Variants in FBXO25 observed in about 807,000 individuals in gnomAD.
FBXO25 encodes the protein F-box only protein 25.
FBXO25 carries 45 observed loss-of-function variants against 51.9 expected under a neutral mutation model. The observed-to-expected ratio is 0.87, with a 90% confidence interval of 0.68 to 1.11. The LOEUF is 1.11. FBXO25 is among the 50% of genes most tolerant of loss of function. The pLI is 0.00. For missense variants in FBXO25, 507 were observed against 428.5 expected, an observed-to-expected ratio of 1.18 and a Z score of -1.62; for synonymous variants, 199 against 151.0, an observed-to-expected ratio of 1.32 and a Z score of -2.33.
intron 8 of FBXO25, among the ~76,000 whole-genome samples, chr8:462,519 TTTGTCAC>T (rs1425605645): frequency 6.6e-6 from 1 of 152,244 alleles, no homozygotes; most frequent in Non-Finnish European, 1.5e-5. Flanking sequence ...ATTTATTTGA[TTTGTCAC>T]TTATTGATTT....
intron 9 of FBXO25, among the ~76,000 whole-genome samples, chr8:465,709 T>C (rs1800112410): frequency 6.6e-6 from 1 of 152,194 alleles, no homozygotes; most frequent in Non-Finnish European, 1.5e-5. Flanking sequence ...TAAAACAAAG[T>C]TTGTGTTACT....
rs1361660970 is a variant in FBXO25, at chr8:473,916, CATTTA to C, written c.*5114_*5118del. On this transcript the variant is annotated 3_prime_UTR_variant, in exon 10 of 10. Coordinates refer to ENST00000350302, the MANE Select transcript of FBXO25 (RefSeq NM_183420.2). ...TAACCTATGTAGTCAATTCTAATGT[CATTTA>C]AAAGAATTTGACATGTTAAAATACA... 19 of 152,284 alleles carry C rather than the reference CATTTA, an allele frequency of 1.2e-4. No individual in the cohort carries two copies. Among genetic ancestry groups the C allele is most frequent in the African/African-American group, 4.3e-4 (18 of 41,542 alleles). 9.4% of individuals were successfully genotyped at this position (152,284 alleles called of 1,614,324 possible).
chr8:446,001 C>T (rs73669382), intron 5 of FBXO25, among the ~76,000 whole-genome samples: 80 of 151,426 alleles, frequency 5.3e-4, no homozygotes, highest in African/African-American at 1.8e-3. Flanking sequence ...TGTAGCATGT[C>T]GGACTGTATG....
chr8:454,890 C>CAAAAA lies in FBXO25; in HGVS notation c.660+3440_660+3444dup, dbSNP rs376342237. On this transcript the variant is annotated intron_variant, in intron 7 of 9. Coordinates refer to ENST00000350302, the MANE Select transcript of FBXO25 (RefSeq NM_183420.2). ...TGGGTGACAGAGGGAGACTCCATCT[C>CAAAAA]AAAAAAAGAAAAAGAAAAAGAAAAC... 5.2e-4 allele frequency among the ~76,000 whole-genome samples: 57 copies of CAAAAA among 109,592 alleles called. 5 individuals carry two copies. Among genetic ancestry groups the CAAAAA allele is most frequent in the African/African-American group, 1.7e-3 (39 of 23,282 alleles). 71.9% of individuals were successfully genotyped at this position (109,592 alleles called of 152,430 possible).
intron 8 of FBXO25, among the ~76,000 whole-genome samples, chr8:459,260 A>T (rs1169183427): frequency 6.6e-6 from 1 of 152,118 alleles, no homozygotes; most frequent in African/African-American, 2.4e-5. Context: ...GTGTGATTTG[A>T]ACTGTGGTCA....
intron 7 of FBXO25, among the ~76,000 whole-genome samples, chr8:452,093 C>T (rs1365234905): frequency 2.0e-5 from 3 of 152,188 alleles, no homozygotes; most frequent in Non-Finnish European, 4.4e-5. Flanking sequence ...ATAAATGATT[C>T]TGCAGATTGC....
At position 470,937 on chromosome 8, in the gene FBXO25, A is replaced by G. The variant is rs1456390354; in HGVS notation, c.*2133A>G. The stretch of plus-strand genomic sequence containing the variant: ...CTTTTTTCATGTTAGTTTCTTCTTA[A>G]AAGGAAACTATCCTTTTGAAGTTGT... On this transcript the variant is annotated 3_prime_UTR_variant, in exon 10 of 10. Transcript: ENST00000350302. 6.6e-6 allele frequency: 1 copy of G among 152,086 alleles called. No homozygotes were observed. Among genetic ancestry groups the G allele is most frequent in the Non-Finnish European group, 1.5e-5 (1 of 68,026 alleles). 9.4% of individuals were successfully genotyped at this position (152,086 alleles called of 1,614,324 possible). A position where few individuals can be genotyped will look rare whatever the true frequency, so the allele number is the denominator to read the frequency against.
intron 9 of FBXO25, chr8:468,332 CAGG>C (rs1445005672): frequency 1.1e-6 from 1 of 914,176 alleles, no homozygotes; most frequent in Non-Finnish European, 1.3e-6. Context: ...GAGCCAGGAA[CAGG>C]AGGACAGGAC....
At chr8:429,886 C>T (rs1379325742) in intron 2 of FBXO25, among the ~76,000 whole-genome samples, 2 of 152,256 alleles carry the variant, frequency 1.3e-5, no homozygotes, top group African/African-American at 4.8e-5. Context: ...CAGGGAGCCA[C>T]AGCCATCTAG....
At chr8:447,317 C>T (rs1341579788) in intron 5 of FBXO25, among the ~76,000 whole-genome samples, 1 of 152,052 alleles carries the variant, frequency 6.6e-6, no homozygotes, top group Non-Finnish European at 1.5e-5. Context: ...CTGCCCTTCC[C>T]CCAACCCTGA....
rs1800582177 is a variant in FBXO25 at position 474,414 on chromosome 8, T to C, written c.*5610T>C. 1 of 285,450 alleles carries C rather than the reference T, an allele frequency of 3.5e-6. No homozygotes were observed. Among genetic ancestry groups the C allele is most frequent in the Non-Finnish European group, 6.7e-6 (1 of 148,952 alleles). The allele number at this position is 285,450 out of a possible 1,614,324, so 17.7% of individuals were successfully genotyped here. ...TGCCGTAAACATGGGTGTGCAAATA[T>C]CTGAGTCTCTGCTTTCAATCATATG... On this transcript the variant is annotated 3_prime_UTR_variant, in exon 10 of 10. Transcript: ENST00000350302.
intron 1 of FBXO25, among the ~76,000 whole-genome samples, chr8:408,352 T>A (rs886662231): frequency 6.6e-6 from 1 of 152,090 alleles, no homozygotes; most frequent in African/African-American, 2.4e-5. Context: ...AAAAAGCTTA[T>A]AATTTAATGG....
chr8:467,135 A>G (rs1038675759), intron 9 of FBXO25, among the ~76,000 whole-genome samples: 12 of 152,116 alleles, frequency 7.9e-5, no homozygotes, highest in Admixed American at 5.2e-4. Flanking sequence ...CTTTGCTAGT[A>G]GCATCCTGAA....
intron 5 of FBXO25, among the ~76,000 whole-genome samples, chr8:449,047 A>T (rs1798909765): frequency 6.6e-6 from 1 of 152,128 alleles, no homozygotes; most frequent in Admixed American, 6.6e-5. Flanking sequence ...ATACATGTAA[A>T]CACATAACTT....
At chr8:409,367 A>AT (rs967585275) in intron 1 of FBXO25, among the ~76,000 whole-genome samples, 2 of 152,144 alleles carry the variant, frequency 1.3e-5, no homozygotes, top group Non-Finnish European at 2.9e-5. Context: ...GGCATGGACT[A>AT]TTTTTTTATT....
At chr8:423,928 G>A (rs528725054) in intron 2 of FBXO25, among the ~76,000 whole-genome samples, 3 of 152,222 alleles carry the variant, frequency 2.0e-5, no homozygotes, top group East Asian at 3.9e-4. Context: ...TAAGCATTCT[G>A]TTTTCTCCTC....
chr8:407,253 C>T (rs1796208473), intron 1 of FBXO25, 187 bp downstream of exon 1: 4 of 611,144 alleles, frequency 6.5e-6, no homozygotes, highest in Middle Eastern at 8.4e-4. Flanking sequence ...GGGGACGGGG[C>T]CTGTGGGAGG....
chr8:474,500 A>G lies in FBXO25; in HGVS notation c.*5696A>G, dbSNP rs562919962. On this transcript the variant is annotated 3_prime_UTR_variant, in exon 10 of 10. Coordinates refer to ENST00000350302, the MANE Select transcript of FBXO25 (RefSeq NM_183420.2). Reference sequence around the variant, plus strand: ...AAGTGTTTTACACGGTGGCTGCACCATTTTACATTCCCACTGAAGGTTCCA... The same window carrying G: ...AAGTGTTTTACACGGTGGCTGCACCGTTTTACATTCCCACTGAAGGTTCCA... The G allele has an allele frequency of 3.0e-6, 1 of 337,986 alleles. No homozygotes were observed. Among genetic ancestry groups the G allele is most frequent in the South Asian group, 2.3e-5 (1 of 42,584 alleles). 20.9% of individuals were successfully genotyped at this position (337,986 alleles called of 1,614,324 possible).
At chr8:439,961 A>C (rs1468333066) in intron 5 of FBXO25, among the ~76,000 whole-genome samples, 1 of 152,154 alleles carries the variant, frequency 6.6e-6, no homozygotes. Context: ...TGGCTATATG[A>C]AGATTTTTTT....
Sources: allele counts gnomAD v4.1 joint callset (sites outside exome capture counted in the v4.1 genomes callset), GRCh38; gene constraint gnomAD v4.1.1; transcripts MANE v1.5; gene names NCBI Gene and HGNC (gene_info 2026-07-23, HGNC 2026-07-21).